LRRN2: variants seen among roughly 807,000 people sequenced by gnomAD.
The protein encoded by LRRN2 is leucine rich repeat neuronal 2.
A neutral mutation model predicts 35.7 loss-of-function variants in LRRN2; 10 were observed. The observed-to-expected ratio is 0.28, with a 90% CI of 0.17 to 0.47. LRRN2 has a LOEUF of 0.47. LRRN2 is among the 20% of genes least tolerant of loss of function. The pLI, the probability that LRRN2 is intolerant of heterozygous loss-of-function variation, is 0.99. For synonymous variants in LRRN2, 391 were observed against 409.6 expected (o/e 0.95, Z 0.55); for missense variants, 731 against 940.3 (o/e 0.78, Z 2.91).
intron 1 of LRRN2, among the ~76,000 whole-genome samples, chr1:204,649,834 G>A (rs1293602187): frequency 6.6e-6 from 1 of 152,186 alleles, no homozygotes; most frequent in Non-Finnish European, 1.5e-5. Context: ...GCAGTAGGGG[G>A]TATGGGGAGA....
chr1:204,638,634 A>T (rs1481639068), intron 1 of LRRN2, among the ~76,000 whole-genome samples: 1 of 149,410 alleles, frequency 6.7e-6, no homozygotes, highest in Non-Finnish European at 1.5e-5. Flanking sequence ...CTGGTCTTGA[A>T]CTCCTGACCT....
intron 1 of LRRN2, chr1:204,627,279 G>A (rs1050867789): frequency 3.3e-5 from 5 of 152,238 alleles, no homozygotes; most frequent in African/African-American, 9.6e-5. Context: ...GAACCCCATC[G>A]CCAGCCCTTG....
At chr1:204,675,133 C>G (rs1668799073) in intron 1 of LRRN2, among the ~76,000 whole-genome samples, 1 of 152,134 alleles carries the variant, frequency 6.6e-6, no homozygotes, top group African/African-American at 2.4e-5. Context: ...GGAGAATTAG[C>G]AGGTTGCATT....
At chr1:204,663,275 A>G (rs1204806180) in intron 1 of LRRN2, among the ~76,000 whole-genome samples, 1 of 152,212 alleles carries the variant, frequency 6.6e-6, no homozygotes, top group Non-Finnish European at 1.5e-5. Flanking sequence ...AGGAACAGAG[A>G]TAAACTGTAC....
intron 1 of LRRN2, among the ~76,000 whole-genome samples, chr1:204,661,471 T>A (rs1377683147): frequency 6.6e-6 from 1 of 152,194 alleles, no homozygotes; most frequent in Admixed American, 6.5e-5. Context: ...TTTCGAACTT[T>A]CCTGTACATA....
chr1:204,633,708 C>T (rs1280390926), intron 1 of LRRN2, among the ~76,000 whole-genome samples: 1 of 152,240 alleles, frequency 6.6e-6, no homozygotes, highest in African/African-American at 2.4e-5. Flanking sequence ...GGCCCTAACA[C>T]CTGTGCTCTA....
intron 1 of LRRN2, among the ~76,000 whole-genome samples, chr1:204,662,251 T>C (rs1668487620): frequency 6.6e-6 from 1 of 152,116 alleles, no homozygotes; most frequent in Non-Finnish European, 1.5e-5. Flanking sequence ...AATGATGACT[T>C]GAGCTGTCCT....
intron 1 of LRRN2, among the ~76,000 whole-genome samples, chr1:204,646,501 G>A (rs1197499780): frequency 6.6e-6 from 1 of 152,042 alleles, no homozygotes; most frequent in East Asian, 1.9e-4. Flanking sequence ...TGGGAGAGCT[G>A]GGGGAGCTGG....
rs565914212 is a variant in LRRN2 at position 204,680,265 on chromosome 1, A to G, written c.-227+5055T>C. 2.6e-5 allele frequency among the ~76,000 whole-genome samples: 4 copies of G among 152,338 alleles called. No individual in the cohort carries two copies. In the South Asian group the frequency reaches 8.3e-4, roughly 32 times the overall value. On this transcript the variant is annotated intron_variant, in intron 1 of 1. Coordinates refer to ENST00000367177, the MANE Select transcript of LRRN2 (RefSeq NM_201630.2). ...GTTGGCACAGTGCCTGGCACACAGT[A>G]AATGCTCAATAAATGCTGGGTATCA...
At chr1:204,676,560 T>A (rs1226198787) in intron 1 of LRRN2, among the ~76,000 whole-genome samples, 2 of 152,136 alleles carry the variant, frequency 1.3e-5, no homozygotes, top group Non-Finnish European at 2.9e-5. Flanking sequence ...TGGGGCTCAA[T>A]AACTTCTATG....
intron 1 of LRRN2, among the ~76,000 whole-genome samples, chr1:204,673,173 G>A (rs1668749009): frequency 6.6e-6 from 1 of 152,120 alleles, no homozygotes; most frequent in African/African-American, 2.4e-5. Context: ...TGTACTTTGT[G>A]CACAGTAGAT....
intron 1 of LRRN2, among the ~76,000 whole-genome samples, chr1:204,625,756 G>A (rs959828948): frequency 1.2e-4 from 19 of 152,212 alleles, no homozygotes; most frequent in Non-Finnish European, 2.4e-4. Flanking sequence ...CTGGCATTAG[G>A]GAACTTTAAA....
intron 1 of LRRN2, among the ~76,000 whole-genome samples, chr1:204,654,944 G>C (rs1668316545): frequency 6.6e-6 from 1 of 152,350 alleles, no homozygotes; most frequent in Non-Finnish European, 1.5e-5. Context: ...AACCCAAAAT[G>C]TTCCTCTCAA....
At chr1:204,675,493 C>G (rs1469329296) in intron 1 of LRRN2, among the ~76,000 whole-genome samples, 1 of 152,222 alleles carries the variant, frequency 6.6e-6, no homozygotes, top group Non-Finnish European at 1.5e-5. Context: ...AGGCTGCCCA[C>G]AGGCCCTGGC....
At chr1:204,623,468 T>G (rs1257824860) in intron 1 of LRRN2, among the ~76,000 whole-genome samples, 2 of 152,200 alleles carry the variant, frequency 1.3e-5, no homozygotes, top group Admixed American at 6.5e-5. Context: ...AGGCAGTGAC[T>G]TGATGACTCA....
chr1:204,645,238 T>C (rs1171083710), intron 1 of LRRN2, among the ~76,000 whole-genome samples: 1 of 152,226 alleles, frequency 6.6e-6, no homozygotes, highest in Non-Finnish European at 1.5e-5. Flanking sequence ...TGCACTGAGC[T>C]AAAATTGGAG....
intron 1 of LRRN2, among the ~76,000 whole-genome samples, chr1:204,634,545 G>GA (rs74308415): frequency 6.6e-6 from 1 of 151,888 alleles, no homozygotes; most frequent in African/African-American, 2.4e-5. Context: ...ATCCTTATAA[G>GA]AAAAAAAAGC....
chr1:204,631,473 C>T (rs2102593734), intron 1 of LRRN2, among the ~76,000 whole-genome samples: 1 of 149,886 alleles, frequency 6.7e-6, no homozygotes, highest in Admixed American at 6.7e-5. Context: ...ATGAGGAGGG[C>T]AGGTGGGGAT....
chr1:204,631,165 A>C (rs1021442574), intron 1 of LRRN2, among the ~76,000 whole-genome samples: 2 of 147,248 alleles, frequency 1.4e-5, no homozygotes, highest in Admixed American at 1.4e-4. Flanking sequence ...TGCATGCTGA[A>C]GTTTGAGGAT....
Sources: allele counts gnomAD v4.1 joint callset (sites outside exome capture counted in the v4.1 genomes callset), GRCh38; gene constraint gnomAD v4.1.1; transcripts MANE v1.5; gene names NCBI Gene and HGNC (gene_info 2026-07-23, HGNC 2026-07-21).